PCDHGA9: variants seen among roughly 807,000 people sequenced by gnomAD.
The protein encoded by PCDHGA9 is protocadherin gamma-A9.
A neutral mutation model predicts 62.5 loss-of-function variants in PCDHGA9; 37 were observed. The observed-to-expected ratio is 0.59, with a 90% CI of 0.46 to 0.78. The LOEUF (loss-of-function observed/expected upper bound fraction) is 0.78. PCDHGA9 is among the 30% of genes least tolerant of loss of function. The pLI is 0.00. For synonymous variants in PCDHGA9, 459 were observed against 484.6 expected, an observed-to-expected ratio of 0.95 and a Z score of 0.69; for missense variants, 1,138 against 1,166.2, an observed-to-expected ratio of 0.98 and a Z score of 0.35.
At chr5:141,459,245 C>G (rs1040972875) in intron 1 of PCDHGA9, among the ~76,000 whole-genome samples, 1 of 152,180 alleles carries the variant, frequency 6.6e-6, no homozygotes, top group African/African-American at 2.4e-5. Context: ...TGCTTCCTGT[C>G]ACTATAAATT....
rs775963212 is a variant in PCDHGA9, at chr5:141,485,463, G to T, written c.2425-9344G>T. ...CCAATCGACCGAGAGGCACTGTGTG[G>T]GCTCAGTGCCAGCTGCATCGTGCCC... On this transcript the variant is annotated intron_variant, in intron 1 of 3. Coordinates refer to ENST00000573521, the MANE Select transcript of PCDHGA9 (RefSeq NM_018921.3). The surrounding 1 kb of genome is among the most constrained non-coding windows in gnomAD (Gnocchi z 5.7). The T allele has an allele frequency of 1.2e-6, 2 of 1,614,086 alleles. No individual in the cohort carries two copies. The highest frequency in any genetic ancestry group is 3.3e-5 in the Admixed American group (2 of 60,026).
chr5:141,435,973 G>T (rs1420195337), intron 1 of PCDHGA9, among the ~76,000 whole-genome samples: 1 of 152,028 alleles, frequency 6.6e-6, no homozygotes, highest in East Asian at 1.9e-4. Context: ...AGAGTGTGTG[G>T]TTCTACTTGT....
chr5:141,410,980 A>G (rs2095454359), intron 1 of PCDHGA9: 1 of 175,670 alleles, frequency 5.7e-6, no homozygotes, highest in South Asian at 1.4e-4. Context: ...CAGCCTCCCA[A>G]GTAGCTGGGA....
intron 1 of PCDHGA9, chr5:141,415,649 A>T: frequency 1.9e-6 from 3 of 1,597,710 alleles, no homozygotes; most frequent in Non-Finnish European, 2.6e-6. Context: ...GTTAAAAAAA[A>T]AAAGATTGGT....
In PCDHGA9 at chr5:141,430,720, T is replaced by C. The variant is rs369549088; in HGVS notation, c.2424+25344T>C. On this transcript the variant is annotated intron_variant, in intron 1 of 3. Transcript: ENST00000573521. ...AAGGAACTGCTCCTGACTTCAGTGG[T>C]TAAGGGCAGAATTGAAAATAATTCT... The C allele has an allele frequency of 4.9e-4, 734 of 1,486,386 alleles. 1 individual carries two copies. Among genetic ancestry groups the C allele is most frequent in the Middle Eastern group, 9.1e-4 (5 of 5,506 alleles). The allele number at this position is 1,486,386 out of a possible 1,614,324, so 92.1% of individuals were successfully genotyped here.
chr5:141,460,656 ACTGTAAACACAGT>A (rs2098994793), intron 1 of PCDHGA9, among the ~76,000 whole-genome samples: 1 of 152,086 alleles, frequency 6.6e-6, no homozygotes, highest in Admixed American at 6.6e-5. Flanking sequence ...CACATATGTA[ACTGTAAACACAGT>A]TATATATCTA....
chr5:141,415,435 C>G, intron 1 of PCDHGA9: 1 of 1,614,202 alleles, frequency 6.2e-7, no homozygotes. Flanking sequence ...TCGGGCTTTC[C>G]TGCAGACCTA....
In PCDHGA9 at chr5:141,403,602, G is replaced by A. The variant is rs761454619; in HGVS notation, c.650G>A (p.Gly217Asp). Reference sequence around the variant, plus strand: ...CACCTGGTCCTCACGGCCTCGGATGGCGGCGAGCCGCGTCGCTCCAGCACA... The same window carrying A: ...CACCTGGTCCTCACGGCCTCGGATGACGGCGAGCCGCGTCGCTCCAGCACA... ...AHHLVLTASDGGEPRRSSTVR... is the reference protein window; with the variant it reads ...AHHLVLTASDDGEPRRSSTVR... The change falls in exon 1 of 4, where the codon GGC (glycine) becomes GAC (aspartate). Residue 217 changes from glycine (G) to aspartate (D), a missense_variant. Coordinates refer to ENST00000573521, the MANE Select transcript of PCDHGA9 (RefSeq NM_018921.3). The A allele has an allele frequency of 5.0e-6, 8 of 1,613,800 alleles. No individual in the cohort carries two copies. Among genetic ancestry groups the A allele is most frequent in the Non-Finnish European group, 5.9e-6 (7 of 1,179,894 alleles).
At position 141,490,852 on chromosome 5, in the gene PCDHGA9, G is replaced by A. The variant is rs759198428; in HGVS notation, c.2425-3955G>A. 2 of 1,613,896 alleles carry A rather than the reference G, an allele frequency of 1.2e-6. No individual in the cohort carries two copies. Among genetic ancestry groups the A allele is most frequent in the Non-Finnish European group, 1.7e-6 (2 of 1,179,928 alleles). ...GCTGCAGATTGTGGTGGGGGTTCGA[G>A]ACTCCGGCTCTCCCCCATTGCATGC... On this transcript the variant is annotated intron_variant, in intron 1 of 3. Transcript: ENST00000573521. The surrounding 1 kb of genome is among the most constrained non-coding windows in gnomAD (Gnocchi z 5.4).
At chr5:141,435,214 A>G (rs1314928643) in intron 1 of PCDHGA9, among the ~76,000 whole-genome samples, 2 of 152,176 alleles carry the variant, frequency 1.3e-5, no homozygotes, top group South Asian at 2.1e-4. Context: ...AAGTGAATTT[A>G]CTTTCTTTCA....
At chr5:141,444,205 CTT>C in intron 1 of PCDHGA9, among the ~76,000 whole-genome samples, 1 of 77,932 alleles carries the variant, frequency 1.3e-5, no homozygotes. Context: ...GAGTTTCACT[CTT>C]GTTGCCCAGG....
Position 141,485,813 on chromosome 5 carries a change from G to A in PCDHGA9, c.2425-8994G>A. The A allele has an allele frequency of 1.9e-6, 3 of 1,614,078 alleles. No individual in the cohort carries two copies. Among genetic ancestry groups the A allele is most frequent in the Non-Finnish European group, 2.5e-6 (3 of 1,180,008 alleles). On this transcript the variant is annotated intron_variant, in intron 1 of 3. Coordinates refer to ENST00000573521, the MANE Select transcript of PCDHGA9 (RefSeq NM_018921.3). This position sits in a 1 kb window ranked among gnomAD's most constrained non-coding sequence, Gnocchi z 5.7. ...ATCGGACTACCGCCTGGTGCTGACT[G>A]CTGTCGATGGAGGGAACCCGCCGAG... is the stretch of plus-strand genomic sequence containing the variant.
At chr5:141,467,596 C>G (rs2099147035) in intron 1 of PCDHGA9, among the ~76,000 whole-genome samples, 1 of 152,202 alleles carries the variant, frequency 6.6e-6, no homozygotes, top group South Asian at 2.1e-4. Context: ...ATTTATTAAG[C>G]ACTTCATCTT....
At position 141,490,044 on chromosome 5, in the gene PCDHGA9, T is replaced by C; in HGVS notation, c.2425-4763T>C. The C allele has an allele frequency of 1.2e-6, 2 of 1,614,192 alleles. No individual in the cohort carries two copies. Among genetic ancestry groups the C allele is most frequent in the Non-Finnish European group, 1.7e-6 (2 of 1,180,024 alleles). The stretch of plus-strand genomic sequence containing the variant: ...TGCTGCTCCGCCTCAATGCCACTGA[T>C]CCAGACGAGGGCACCAACGGCCAAC... On this transcript the variant is annotated intron_variant, in intron 1 of 3. Transcript: ENST00000573521. The surrounding 1 kb of genome is among the most constrained non-coding windows in gnomAD (Gnocchi z 5.4).
In PCDHGA9 at chr5:141,512,501, G is replaced by A. The variant is rs1474842711; in HGVS notation, c.*1328G>A. The A allele has an allele frequency of 6.5e-6, 1 of 152,914 alleles. No homozygotes were observed. The highest frequency in any genetic ancestry group is 1.5e-5 in the Non-Finnish European group (1 of 68,258). The allele number at this position is 152,914 out of a possible 1,614,324, so 9.5% of individuals were successfully genotyped here. On this transcript the variant is annotated 3_prime_UTR_variant, in exon 4 of 4. Transcript: ENST00000573521. The stretch of plus-strand genomic sequence containing the variant: ...GAAGGCCACTGCCCAGGTCCCCAGT[G>A]CGCCCCCTAGTGGCCATAGCCTGGT...
Position 141,405,325 on chromosome 5 carries a change from G to C in PCDHGA9, c.2373G>C (p.Leu791Phe), listed in dbSNP as rs17097274. ...SQQSCEKNEP[L>F]CVSVDSKFPI... ...AGAGCTGTGAGAAAAATGAGCCTTT[G>C]TGCGTCTCTGTTGATTCCAAGTTTC... Residue 791 changes from leucine (L) to phenylalanine (F), a missense_variant, in exon 1 of 4, where the codon TTG (leucine) becomes TTC (phenylalanine). Transcript: ENST00000573521. The C allele has an allele frequency of 9.4e-4, 1,513 of 1,614,170 alleles. 9 individuals are homozygous for C. The African/African-American group carries it at 0.016, about 17-fold the overall frequency.
At chr5:141,427,411 A>C (rs1256606726) in intron 1 of PCDHGA9, 2 of 464,124 alleles carry the variant, frequency 4.3e-6, no homozygotes, top group Admixed American at 2.3e-5. Flanking sequence ...GATTCGAGAG[A>C]AAATGGGGAG....
chr5:141,451,322 T>C (rs1452969719), intron 1 of PCDHGA9, among the ~76,000 whole-genome samples: 1 of 152,236 alleles, frequency 6.6e-6, no homozygotes, highest in African/African-American at 2.4e-5. Flanking sequence ...AAGTGTCACC[T>C]AAGGCTATTG....
intron 1 of PCDHGA9, chr5:141,442,416 T>A (rs2098323395): frequency 6.6e-6 from 1 of 152,206 alleles, no homozygotes; most frequent in Non-Finnish European, 1.5e-5. Flanking sequence ...CTGAGTGAAC[T>A]TCTTTTTTGA....
Sources: allele counts gnomAD v4.1 joint callset (sites outside exome capture counted in the v4.1 genomes callset), GRCh38; gene constraint gnomAD v4.1.1; non-coding constraint Gnocchi (gnomAD v3.1); transcripts MANE v1.5; gene names NCBI Gene and HGNC (gene_info 2026-07-23, HGNC 2026-07-21).